CREB5: variants seen among roughly 807,000 people sequenced by gnomAD.
The protein encoded by CREB5 is cAMP responsive element binding protein 5.
In CREB5, 19 loss-of-function variants were observed where a neutral mutation model predicts 57.1. The observed-to-expected ratio is 0.33, with a 90% CI of 0.23 to 0.49. The LOEUF (loss-of-function observed/expected upper bound fraction) is 0.49, where lower values mean the gene tolerates loss of function less well. Among genes scored for constraint, CREB5 ranks in the 20% least tolerant of loss-of-function variants. The probability of loss-of-function intolerance (pLI) is 0.99; values close to 1 mark genes in which losing one functional copy is unlikely to be tolerated. For missense variants in CREB5, 579 were observed against 671.6 expected (o/e 0.86, Z 1.52); for synonymous variants, 238 against 238.3 (o/e 1.00, Z 0.01).
rs370615013 is a variant in CREB5 at position 28,790,428 on chromosome 7, A to AAGAGAGAG, written c.703-13745_703-13738dup. ...TACATTTTAGCAGAAGAAAGAAAGAAAGAGAGAGAGAGAGAGAGAGAGAGA... is the reference window on the plus strand; with the variant it reads ...TACATTTTAGCAGAAGAAAGAAAGAAAGAGAGAGAGAGAGAGAGAGAGAGAGAGAGAGA... On this transcript the variant is annotated intron_variant, in intron 7 of 10. Transcript: ENST00000357727. Among the ~76,000 whole-genome samples the AAGAGAGAG allele has an allele frequency of 3.8e-3, 441 of 115,704 alleles. 1 individual carries two copies. Among genetic ancestry groups the AAGAGAGAG allele is most frequent in the East Asian group, 9.5e-3 (44 of 4,624 alleles). The allele number at this position is 115,704 out of a possible 152,430, so 75.9% of individuals were successfully genotyped here.
intron 5 of CREB5, among the ~76,000 whole-genome samples, chr7:28,684,573 C>T (rs544307763): frequency 5.3e-4 from 81 of 152,300 alleles, no homozygotes; most frequent in African/African-American, 1.8e-3. Context: ...CATCAGTGGA[C>T]GTCTTTAATA....
intron 5 of CREB5, chr7:28,686,239 A>G: frequency 6.5e-7 from 1 of 1,541,102 alleles, no homozygotes; most frequent in Non-Finnish European, 8.9e-7. Context: ...GATTTTATAG[A>G]TTTTTTTTGC....
At chr7:28,584,223 G>A (rs1318177279) in intron 5 of CREB5, among the ~76,000 whole-genome samples, 2 of 152,146 alleles carry the variant, frequency 1.3e-5, no homozygotes, top group Non-Finnish European at 2.9e-5. Context: ...TCATCTCCCA[G>A]GCGAGGCCCT....
intron 4 of CREB5, among the ~76,000 whole-genome samples, chr7:28,519,298 A>C (rs1261703308): frequency 6.6e-6 from 1 of 152,182 alleles, no homozygotes. Flanking sequence ...ACATGTGTAT[A>C]TGTTTTAGGC....
chr7:28,350,835 C>A (rs1786172479), intron 1 of CREB5, among the ~76,000 whole-genome samples: 1 of 152,118 alleles, frequency 6.6e-6, no homozygotes. Flanking sequence ...CTCGTGATAA[C>A]TGCGCTGCTA....
chr7:28,645,387 G>A lies in CREB5; in HGVS notation c.465-73366G>A, dbSNP rs140651104. Reference sequence around the variant, plus strand: ...TTACCTCCTTTTTGAAAAACCTGACGAAGTGGCTGGTTTGCTTGTGGGTTT... The same window carrying A: ...TTACCTCCTTTTTGAAAAACCTGACAAAGTGGCTGGTTTGCTTGTGGGTTT... On this transcript the variant is annotated intron_variant, in intron 5 of 10. Transcript: ENST00000357727. Among the ~76,000 whole-genome samples, 249 of 152,226 alleles carry A rather than the reference G, an allele frequency of 1.6e-3. 2 individuals are homozygous for A. The highest frequency in any genetic ancestry group is 5.6e-3 in the African/African-American group (232 of 41,540).
intron 7 of CREB5, among the ~76,000 whole-genome samples, chr7:28,784,352 AAC>A (rs1807182482): frequency 7.1e-6 from 1 of 141,840 alleles, no homozygotes; most frequent in African/African-American, 2.7e-5. Flanking sequence ...TTTTTTTTTT[AAC>A]AGCCAGCTGG....
At chr7:28,469,729 A>G (rs776641216) in intron 1 of CREB5, among the ~76,000 whole-genome samples, 3 of 152,232 alleles carry the variant, frequency 2.0e-5, no homozygotes, top group Non-Finnish European at 2.9e-5. Flanking sequence ...TCAATTGTTT[A>G]CAGATGTTAA....
intron 7 of CREB5, among the ~76,000 whole-genome samples, chr7:28,753,379 T>TACAC (rs140459249): frequency 1.1e-4 from 17 of 151,414 alleles, no homozygotes; most frequent in Admixed American, 3.9e-4. Context: ...CGTGCATGCA[T>TACAC]ACACACACAC....
chr7:28,535,805 A>G (rs565541653), intron 4 of CREB5, among the ~76,000 whole-genome samples: 3 of 152,238 alleles, frequency 2.0e-5, no homozygotes, highest in South Asian at 2.1e-4. Flanking sequence ...TCCTAGGCTA[A>G]CCATTTCTAT....
At chr7:28,476,182 T>A (rs1214925117) in intron 1 of CREB5, among the ~76,000 whole-genome samples, 3 of 152,166 alleles carry the variant, frequency 2.0e-5, no homozygotes, top group Non-Finnish European at 4.4e-5. Flanking sequence ...GACAAAATAA[T>A]TCTACTTGGC....
At chr7:28,357,611 G>T (rs549035876) in intron 1 of CREB5, among the ~76,000 whole-genome samples, 1 of 152,126 alleles carries the variant, frequency 6.6e-6, no homozygotes, top group South Asian at 2.1e-4. Context: ...TCCTTTTCCT[G>T]CTAGGCTTTT....
Position 28,324,804 on chromosome 7 carries a change from G to A in CREB5, c.-25+25363G>A, listed in dbSNP as rs117381281. ...TTGCTAGGAAGCTCAAATTACCATGGTCAAAACAGAACGGTTGATACTTTC... is the reference window on the plus strand; with the variant it reads ...TTGCTAGGAAGCTCAAATTACCATGATCAAAACAGAACGGTTGATACTTTC... On this transcript the variant is annotated intron_variant, in intron 1 of 9. Transcript: ENST00000396299. 1.1e-3 allele frequency among the ~76,000 whole-genome samples: 168 copies of A among 152,292 alleles called. 1 individual carries two copies. Among genetic ancestry groups the A allele is most frequent in the South Asian group, 7.5e-3 (36 of 4,818 alleles).
At position 28,638,027 on chromosome 7, in the gene CREB5, G is replaced by A. The variant is rs555357009; in HGVS notation, c.464+67490G>A. Among the ~76,000 whole-genome samples the A allele has an allele frequency of 8.9e-4, 135 of 152,166 alleles. 1 individual carries two copies. The highest frequency in any genetic ancestry group is 1.3e-3 in the Non-Finnish European group (91 of 68,022). ...TTTGGGAATCTTTATCATTAGCCTCGTTAGCTACAGAGACTCTTTCCTGAG... is the reference window on the plus strand; with the variant it reads ...TTTGGGAATCTTTATCATTAGCCTCATTAGCTACAGAGACTCTTTCCTGAG... On this transcript the variant is annotated intron_variant, in intron 5 of 10. Coordinates refer to ENST00000357727, the MANE Select transcript of CREB5 (RefSeq NM_182898.4).
intron 5 of CREB5, among the ~76,000 whole-genome samples, chr7:28,682,779 C>A (rs1164272990): frequency 1.3e-5 from 2 of 152,106 alleles, no homozygotes; most frequent in African/African-American, 4.8e-5. Flanking sequence ...CAGAAATTCA[C>A]CCAGGCACAC....
At chr7:28,315,490 G>A (rs1785359935) in intron 1 of CREB5, among the ~76,000 whole-genome samples, 2 of 152,346 alleles carry the variant, frequency 1.3e-5, no homozygotes, top group East Asian at 3.9e-4. Flanking sequence ...GCCGGGTGCT[G>A]CAGAAAACTT....
Position 28,819,506 on chromosome 7 carries a change from T to A in CREB5, c.*227T>A. On this transcript the variant is annotated 3_prime_UTR_variant, in exon 11 of 11. Coordinates refer to ENST00000357727, the MANE Select transcript of CREB5 (RefSeq NM_182898.4). ...ATCAGCTTGGGAAACGCTTTGGTGC[T>A]TTTCTCCAGTTTTCTGGTACCAGTT... 1 of 450,122 alleles carries A rather than the reference T, an allele frequency of 2.2e-6. No homozygotes were observed. Among genetic ancestry groups the A allele is most frequent in the East Asian group, 3.9e-5 (1 of 25,818 alleles). The allele number at this position is 450,122 out of a possible 1,614,324, so 27.9% of individuals were successfully genotyped here. A position where few individuals can be genotyped will look rare whatever the true frequency, so the allele number is the denominator to read the frequency against.
intron 1 of CREB5, among the ~76,000 whole-genome samples, chr7:28,429,935 G>A (rs1304536813): frequency 6.6e-6 from 1 of 152,178 alleles, no homozygotes; most frequent in Non-Finnish European, 1.5e-5. Flanking sequence ...GGACATGACA[G>A]GAAATGATAA....
intron 1 of CREB5, among the ~76,000 whole-genome samples, chr7:28,452,096 G>A (rs1261580393): frequency 1.3e-5 from 2 of 152,096 alleles, no homozygotes; most frequent in Non-Finnish European, 2.9e-5. Context: ...TCTTAGACTG[G>A]CGATTTCTTT....
Sources: allele counts gnomAD v4.1 joint callset (sites outside exome capture counted in the v4.1 genomes callset), GRCh38; gene constraint gnomAD v4.1.1; transcripts MANE v1.5; gene names NCBI Gene and HGNC (gene_info 2026-07-23, HGNC 2026-07-21).